CGRRF1: variants seen among roughly 807,000 people sequenced by gnomAD.
The protein encoded by CGRRF1 is cell growth regulator with ring finger domain 1.
A neutral mutation model predicts 37.2 loss-of-function variants in CGRRF1; 32 were observed. The observed-to-expected ratio is 0.86, with a 90% confidence interval of 0.65 to 1.16. CGRRF1 has a LOEUF of 1.16. Ranked by LOEUF, CGRRF1 falls within the 50% of genes most tolerant of loss-of-function variation. The probability of loss-of-function intolerance (pLI) is 0.00; values close to 1 mark genes in which losing one functional copy is unlikely to be tolerated. For synonymous variants in CGRRF1, 141 were observed against 140.3 expected, an observed-to-expected ratio of 1.00 and a Z score of -0.04; for missense variants, 391 against 382.6, an observed-to-expected ratio of 1.02 and a Z score of -0.18.
intron 1 of CGRRF1, among the ~76,000 whole-genome samples, chr14:54,518,391 CA>C (rs1405231960): frequency 6.6e-6 from 1 of 150,452 alleles, no homozygotes; most frequent in Non-Finnish European, 1.5e-5. Flanking sequence ...ACTAAAAATA[CA>C]AAAAAAAATT....
At position 54,522,687 on chromosome 14, in the gene CGRRF1, C is replaced by T; in HGVS notation, c.244+94C>T. 9 of 1,190,838 alleles carry T rather than the reference C, an allele frequency of 7.6e-6. No homozygotes were observed. In the South Asian group the frequency reaches 1.2e-4, roughly 16 times the overall value. 73.8% of individuals were successfully genotyped at this position (1,190,838 alleles called of 1,614,324 possible). On this transcript the variant is annotated intron_variant, in intron 2 of 5. Coordinates refer to ENST00000216420, the MANE Select transcript of CGRRF1 (RefSeq NM_006568.3). ...TCTCTATTTCTTTCCCTTCATTAGA[C>T]TTTTAACAAACATTTGTTGGGCAAC...
intron 1 of CGRRF1, among the ~76,000 whole-genome samples, chr14:54,519,484 C>G (rs1002972019): frequency 6.7e-6 from 1 of 149,460 alleles, no homozygotes; most frequent in East Asian, 2.0e-4. Flanking sequence ...CTCCTGGGCT[C>G]AAGCATTCCT....
In CGRRF1 at chr14:54,538,148, A is replaced by G. The variant is rs756602554; in HGVS notation, c.764A>G (p.Glu255Gly). ...AAAAACACAGACAGAAGTTTGTTGG[A>G]AAAGGTGGGACTCTCTGAAAGTGAA... is the stretch of plus-strand genomic sequence containing the variant. Reference protein sequence around the residue: ...EEKNTDRSLLEKVGLSESEVE... With the variant: ...EEKNTDRSLLGKVGLSESEVE... The change falls in exon 6 of 6, where the codon GAA becomes GGA. Residue 255 changes from glutamate to glycine, a missense_variant. By Grantham distance (98) the Glu-to-Gly change is moderately conservative. Transcript: ENST00000216420. 26 of 1,614,000 alleles carry G rather than the reference A, an allele frequency of 1.6e-5. No homozygotes were observed. In the Middle Eastern group the frequency reaches 1.2e-3, roughly 71 times the overall value.
Position 54,532,507 on chromosome 14 carries a change from G to A in CGRRF1, c.570+1457G>A, listed in dbSNP as rs142885215. The stretch of plus-strand genomic sequence containing the variant: ...ACATGCAAAAAAAGTGGAAGTAACT[G>A]TGTAAGATGATGCGTAATTTGCATT... On this transcript the variant is annotated intron_variant, in intron 4 of 5. Coordinates refer to ENST00000216420, the MANE Select transcript of CGRRF1 (RefSeq NM_006568.3). Among the ~76,000 whole-genome samples the A allele has an allele frequency of 8.2e-3, 1,247 of 152,220 alleles. 25 individuals are homozygous for A. The highest frequency in any genetic ancestry group is 0.029 in the African/African-American group (1,204 of 41,518).
chr14:54,511,564 T>C (rs547596103), intron 1 of CGRRF1, among the ~76,000 whole-genome samples: 4 of 152,366 alleles, frequency 2.6e-5, no homozygotes, highest in South Asian at 4.1e-4. Context: ...AATTGCCTTA[T>C]GTGCTTTAAT....
Position 54,522,992 on chromosome 14 carries a change from GA to G in CGRRF1, c.244+400del, listed in dbSNP as rs1366674452. ...TTGCCTTTTTATTTTTTTTGAGACA[GA>G]TTCTTACTCTGTCATCCAGGCTGGA... is the stretch of plus-strand genomic sequence containing the variant. On this transcript the variant is annotated intron_variant, in intron 2 of 5. Coordinates refer to ENST00000216420, the MANE Select transcript of CGRRF1 (RefSeq NM_006568.3). Among the ~76,000 whole-genome samples the G allele has an allele frequency of 1.3e-4, 20 of 152,192 alleles. No homozygotes were observed. In the East Asian group the frequency reaches 3.9e-3, roughly 29 times the overall value.
intron 4 of CGRRF1, chr14:54,536,768 C>T (rs1474321686): frequency 1.3e-5 from 2 of 152,104 alleles, no homozygotes; most frequent in Non-Finnish European, 2.9e-5. Flanking sequence ...ATTTGTGACA[C>T]ACCTTGTGAA....
intron 4 of CGRRF1, among the ~76,000 whole-genome samples, chr14:54,532,065 A>C (rs1168705504): frequency 6.6e-6 from 1 of 152,170 alleles, no homozygotes; most frequent in Non-Finnish European, 1.5e-5. Context: ...GTCAAGAAAA[A>C]TCCCAGTCAT....
chr14:54,535,446 C>A (rs1354408452), intron 4 of CGRRF1, among the ~76,000 whole-genome samples: 1 of 151,606 alleles, frequency 6.6e-6, no homozygotes, highest in Non-Finnish European at 1.5e-5. Flanking sequence ...TTCTTATGAT[C>A]AGATCAAAGT....
intron 1 of CGRRF1, among the ~76,000 whole-genome samples, chr14:54,520,698 G>T (rs1432237603): frequency 6.6e-6 from 1 of 152,154 alleles, no homozygotes; most frequent in African/African-American, 2.4e-5. Context: ...ATAGCACGAT[G>T]TTTCTGAAAT....
chr14:54,534,272 G>A (rs975037827), intron 4 of CGRRF1, among the ~76,000 whole-genome samples: 5 of 151,944 alleles, frequency 3.3e-5, no homozygotes, highest in African/African-American at 9.7e-5. Context: ...CTACAGGCAC[G>A]CACCACCACG....
chr14:54,531,931 T>C (rs2032522082), intron 4 of CGRRF1, among the ~76,000 whole-genome samples: 1 of 152,208 alleles, frequency 6.6e-6, no homozygotes, highest in Non-Finnish European at 1.5e-5. Context: ...AAACATATGG[T>C]AACATTGTTT....
At chr14:54,527,491 A>C (rs2140062308) in intron 2 of CGRRF1, among the ~76,000 whole-genome samples, 1 of 152,226 alleles carries the variant, frequency 6.6e-6, no homozygotes, top group South Asian at 2.1e-4. Flanking sequence ...GAGATTATGG[A>C]GAGTATAATT....
At chr14:54,534,525 T>C (rs1418701782) in intron 4 of CGRRF1, among the ~76,000 whole-genome samples, 1 of 152,232 alleles carries the variant, frequency 6.6e-6, no homozygotes, top group East Asian at 1.9e-4. Flanking sequence ...TTAATAAATC[T>C]TTATAAACTT....
chr14:54,530,676 A>G (rs1203893371), intron 3 of CGRRF1: 1 of 851,024 alleles, frequency 1.2e-6, no homozygotes, highest in East Asian at 2.5e-5. Context: ...TTGGTATACT[A>G]GAAGCATGTT....
In CGRRF1 at chr14:54,530,209, C is replaced by T; in HGVS notation, c.405C>T (p.Leu135=). ...ALEDALYSEY[L]YQEQYFIKKD... ...AAGATGCTCTGTATAGTGAATATCT[C>T]TATCAGGAACAGTATTTGTATCCTT... The change falls in exon 3 of 6, where the codon CTC becomes CTT. Residue 135 remains leucine (L), a synonymous_variant. Transcript: ENST00000216420. 6.2e-7 allele frequency: 1 copy of T among 1,603,796 alleles called. No individual in the cohort carries two copies.
chr14:54,510,053 G>T lies in CGRRF1; in HGVS notation c.94G>T (p.Val32Leu). The change falls in exon 1 of 6, where the codon GTA becomes TTA. Residue 32 changes from valine (V) to leucine (L), a missense_variant. Val to Leu is a conservative substitution (Grantham distance 32). Transcript: ENST00000216420. ...FTCFIVTTGLVLGWFGWDVPV... is the reference protein window; with the variant it reads ...FTCFIVTTGLLLGWFGWDVPV... ...CTGCTTCATCGTGACCACCGGCCTG[G>T]TATTGGGATGGTAAGTGTCCCAGGG... The T allele has an allele frequency of 6.2e-7, 1 of 1,610,464 alleles. No individual in the cohort carries two copies.
chr14:54,524,802 A>G (rs560397052), intron 2 of CGRRF1, among the ~76,000 whole-genome samples: 2 of 152,260 alleles, frequency 1.3e-5, no homozygotes, highest in South Asian at 2.1e-4. Context: ...CCTTCCCTAT[A>G]ATAGATAACA....
intron 1 of CGRRF1, among the ~76,000 whole-genome samples, chr14:54,512,370 G>T (rs935714725): frequency 6.6e-6 from 1 of 152,208 alleles, no homozygotes; most frequent in Non-Finnish European, 1.5e-5. Context: ...TTCACCATGT[G>T]GTGGTTTCTG....
Sources: allele counts gnomAD v4.1 joint callset (sites outside exome capture counted in the v4.1 genomes callset), GRCh38; gene constraint gnomAD v4.1.1; transcripts MANE v1.5; gene names NCBI Gene and HGNC (gene_info 2026-07-23, HGNC 2026-07-21).